The following MSRA variants were observed in gnomAD, a reference collection of about 807,000 sequenced individuals.
MSRA encodes the protein mitochondrial peptide methionine sulfoxide reductase.
Under a neutral mutation model 31.3 loss-of-function variants are expected in MSRA, and 54 were observed. The ratio of observed to expected loss-of-function variants is 1.73; its 90% confidence interval spans 1.39 to 2.17. The LOEUF (loss-of-function observed/expected upper bound fraction) is 2.17, where lower values mean the gene tolerates loss of function less well. Ranked by LOEUF, MSRA falls within the 30% of genes most tolerant of loss-of-function variation. MSRA has a pLI of 0.00. For synonymous variants in MSRA, 169 were observed against 116.5 expected (o/e 1.45, Z -2.90); for missense variants, 507 against 300.9 (o/e 1.69, Z -5.07).
At chr8:10,198,200 G>A (rs1808165922) in intron 1 of MSRA, among the ~76,000 whole-genome samples, 1 of 152,102 alleles carries the variant, frequency 6.6e-6, no homozygotes, top group Middle Eastern at 3.2e-3. Flanking sequence ...TATAAAGAAG[G>A]AAGCAAAATC....
intron 1 of MSRA, among the ~76,000 whole-genome samples, chr8:10,135,840 G>A (rs533310466): frequency 1.3e-5 from 2 of 152,308 alleles, no homozygotes; most frequent in African/African-American, 2.4e-5. Context: ...TGTTTCACAG[G>A]CCTACAGACA....
At chr8:10,071,789 A>T (rs955905074) in intron 1 of MSRA, among the ~76,000 whole-genome samples, 1 of 152,208 alleles carries the variant, frequency 6.6e-6, no homozygotes, top group African/African-American at 2.4e-5. Context: ...CATGGAGGTT[A>T]GCAAAAACCA....
At chr8:10,087,440 T>C (rs983561458) in intron 1 of MSRA, among the ~76,000 whole-genome samples, 12 of 152,032 alleles carry the variant, frequency 7.9e-5, no homozygotes, top group African/African-American at 2.9e-4. Flanking sequence ...GTTCAGAGAG[T>C]GCTGGAGAGA....
intron 1 of MSRA, among the ~76,000 whole-genome samples, chr8:10,193,994 A>G (rs1807753612): frequency 6.6e-6 from 1 of 152,238 alleles, no homozygotes; most frequent in African/African-American, 2.4e-5. Flanking sequence ...ATGTGAACAT[A>G]TAAAATAGAT....
At chr8:10,302,686 G>T (rs530221008) in intron 4 of MSRA, among the ~76,000 whole-genome samples, 1 of 152,340 alleles carries the variant, frequency 6.6e-6, no homozygotes, top group East Asian at 1.9e-4. Flanking sequence ...CTCGAGCAGG[G>T]TGAGGCAGGT....
intron 1 of MSRA, among the ~76,000 whole-genome samples, chr8:10,170,341 G>C (rs2705260): frequency 6.6e-6 from 1 of 152,164 alleles, no homozygotes; most frequent in African/African-American, 2.4e-5. Context: ...GCTCTTATAA[G>C]AAAGGCCCCA....
chr8:10,152,444 G>A (rs1210670249), intron 1 of MSRA, among the ~76,000 whole-genome samples: 7 of 152,030 alleles, frequency 4.6e-5, no homozygotes, highest in Non-Finnish European at 8.8e-5. Context: ...TGTGTCCTGG[G>A]CAGGAAGATG....
intron 3 of MSRA, among the ~76,000 whole-genome samples, chr8:10,299,477 T>G (rs1283675774): frequency 6.6e-6 from 1 of 152,156 alleles, no homozygotes; most frequent in Non-Finnish European, 1.5e-5. Flanking sequence ...TTTTCATATC[T>G]TTTAGCATAA....
At chr8:10,131,785 G>T (rs111470181) in intron 1 of MSRA, among the ~76,000 whole-genome samples, 3,053 of 152,252 alleles carry the variant, frequency 0.02, 42 homozygotes, top group Non-Finnish European at 0.031. Context: ...GAGCTGGGAG[G>T]CGATGCTGGG....
At chr8:10,104,879 C>A (rs933224260) in intron 1 of MSRA, among the ~76,000 whole-genome samples, 3 of 152,132 alleles carry the variant, frequency 2.0e-5, no homozygotes, top group African/African-American at 7.2e-5. Context: ...TTTTTGGTTT[C>A]CAGTACCCAT....
At chr8:10,271,869 C>T (rs888266739) in intron 3 of MSRA, among the ~76,000 whole-genome samples, 2 of 152,102 alleles carry the variant, frequency 1.3e-5, no homozygotes, top group South Asian at 2.1e-4. Flanking sequence ...TAGGCACGTG[C>T]TACCACGCCC....
At chr8:10,100,318 C>T (rs1563094661) in intron 1 of MSRA, among the ~76,000 whole-genome samples, 1 of 151,960 alleles carries the variant, frequency 6.6e-6, no homozygotes, top group Admixed American at 6.6e-5. Context: ...GTTCTGTGTC[C>T]AAGGCGGTGA....
At position 10,054,531 on chromosome 8, in the gene MSRA, C is replaced by A. The variant is rs746940648; in HGVS notation, c.15C>A (p.Thr5=). 3 of 1,582,884 alleles carry A rather than the reference C, an allele frequency of 1.9e-6. No individual in the cohort carries two copies. In the South Asian group the frequency reaches 3.4e-5, roughly 18 times the overall value. Reference sequence around the variant, plus strand: ...GGCGCCCTCCCATGCTCTCGGCCACCCGGAGGGCTTGCCAGCTCCTCCTCC... The same window carrying A: ...GGCGCCCTCCCATGCTCTCGGCCACACGGAGGGCTTGCCAGCTCCTCCTCC... MLSA[T]RRACQLLLLH... The change falls in exon 1 of 6, where the codon ACC becomes ACA. Residue 5 remains threonine (T), a synonymous_variant. Coordinates refer to ENST00000317173, the MANE Select transcript of MSRA (RefSeq NM_012331.5).
chr8:10,177,240 G>A (rs1806133937), intron 1 of MSRA, among the ~76,000 whole-genome samples: 1 of 152,172 alleles, frequency 6.6e-6, no homozygotes. Flanking sequence ...GGACAGACAG[G>A]TGGTGCTGAT....
At chr8:10,080,806 T>TG (rs1798254728) in intron 1 of MSRA, among the ~76,000 whole-genome samples, 1 of 151,912 alleles carries the variant, frequency 6.6e-6, no homozygotes, top group African/African-American at 2.4e-5. Context: ...CCCAAAGTGC[T>TG]GGGATTATAG....
At chr8:10,324,969 G>A (rs1217993104) in intron 5 of MSRA, among the ~76,000 whole-genome samples, 4 of 152,220 alleles carry the variant, frequency 2.6e-5, no homozygotes, top group African/African-American at 9.6e-5. Context: ...AGAGGCACAT[G>A]GCGTTGAGTG....
chr8:10,277,712 G>A (rs763948604), intron 3 of MSRA, among the ~76,000 whole-genome samples: 2 of 152,000 alleles, frequency 1.3e-5, no homozygotes, highest in African/African-American at 2.4e-5. Flanking sequence ...AAAATAAATG[G>A]CTATCTAATT....
chr8:10,316,525 T>G (rs1801724711), intron 4 of MSRA, among the ~76,000 whole-genome samples: 1 of 104,660 alleles, frequency 9.6e-6, no homozygotes, highest in Admixed American at 1.1e-4. Flanking sequence ...ACTTTGATGA[T>G]CCCTCTCTCT....
intron 5 of MSRA, among the ~76,000 whole-genome samples, chr8:10,388,912 G>C (rs532685300): frequency 6.6e-6 from 1 of 151,910 alleles, no homozygotes; most frequent in East Asian, 1.9e-4. Context: ...ATGTCCCCTG[G>C]TCATTACCGA....
Sources: allele counts gnomAD v4.1 joint callset (sites outside exome capture counted in the v4.1 genomes callset), GRCh38; gene constraint gnomAD v4.1.1; transcripts MANE v1.5; gene names NCBI Gene and HGNC (gene_info 2026-07-23, HGNC 2026-07-21).